RABL6: variants seen among roughly 807,000 people sequenced by gnomAD.
RABL6 encodes RAB, member RAS oncogene family like 6.
RABL6 carries 28 observed loss-of-function variants against 72.9 expected under a neutral mutation model. The observed-to-expected ratio is 0.38, with a 90% CI of 0.28 to 0.53. The LOEUF is 0.53. Among genes scored for constraint, RABL6 ranks in the 20% least tolerant of loss-of-function variants. The pLI, the probability that RABL6 is intolerant of heterozygous loss-of-function variation, is 0.80. For synonymous variants in RABL6, 477 were observed against 421.2 expected, an observed-to-expected ratio of 1.13 and a Z score of -1.62; for missense variants, 1,029 against 1,008.4, an observed-to-expected ratio of 1.02 and a Z score of -0.28.
intron 1 of RABL6, among the ~76,000 whole-genome samples, chr9:136,810,575 T>C (rs904195025): frequency 5.9e-5 from 9 of 152,236 alleles, no homozygotes; most frequent in African/African-American, 2.2e-4. Flanking sequence ...TGCGTTTTGC[T>C]GTGTCTCCCA....
chr9:136,821,007 C>G (rs1848224777), intron 1 of RABL6, among the ~76,000 whole-genome samples: 1 of 152,274 alleles, frequency 6.6e-6, no homozygotes, highest in African/African-American at 2.4e-5. Context: ...AGAAATTATT[C>G]TGTGTGACCC....
Position 136,840,507 on chromosome 9 carries a change from C to A in RABL6, c.2175C>A (p.Asp725Glu). The A allele has an allele frequency of 6.5e-7, 1 of 1,530,160 alleles. No individual in the cohort carries two copies. Among genetic ancestry groups the A allele is most frequent in the African/African-American group, 1.4e-5 (1 of 71,986 alleles). The allele number at this position is 1,530,160 out of a possible 1,614,324, so 94.8% of individuals were successfully genotyped here. Residue 725 changes from aspartate (D) to glutamate (E), a missense_variant, in exon 15 of 15, where the codon GAC becomes GAA. Asp to Glu is a conservative substitution (Grantham distance 45, BLOSUM62 2). Transcript: ENST00000311502. ...APGGRHPGGG[D>E]YEEL ...GCGGCCGCCACCCTGGGGGTGGCGA[C>A]TACGAGGAGCTCTAGGCCGGCGTGG...
At chr9:136,828,170 G>A (rs1190106577) in intron 3 of RABL6, 3 of 270,224 alleles carry the variant, frequency 1.1e-5, no homozygotes, top group Non-Finnish European at 2.1e-5. Flanking sequence ...GGGGGAGGGG[G>A]CCCTTCCTTC....
Position 136,829,396 on chromosome 9 carries a change from G to A in RABL6, c.370G>A (p.Glu124Lys). 6.4e-7 allele frequency: 1 copy of A among 1,569,854 alleles called. No homozygotes were observed. Residue 124 changes from glutamate to lysine, a missense_variant, in exon 5 of 15, where the codon GAG becomes AAG. Coordinates refer to ENST00000311502, the MANE Select transcript of RABL6 (RefSeq NM_024718.5). ...LKMENDPQEA[E>K]SEMALDAEFL... Reference sequence around the variant, plus strand: ...ACCTGTTCCCTCCTGTCCCCAGGCGGAGTCTGAAATGGCCCTGGATGCTGA... The same window carrying A: ...ACCTGTTCCCTCCTGTCCCCAGGCGAAGTCTGAAATGGCCCTGGATGCTGA...
chr9:136,817,574 T>A (rs62581428), intron 1 of RABL6, among the ~76,000 whole-genome samples: 1,987 of 104,210 alleles, frequency 0.019, 1 homozygote, highest in Middle Eastern at 0.023. Flanking sequence ...ACGTGGGCTG[T>A]GGGGAGGCCG....
intron 6 of RABL6, 59 bp downstream of exon 6, chr9:136,831,920 G>A (rs1460636303): frequency 1.9e-6 from 3 of 1,541,516 alleles, no homozygotes; most frequent in Non-Finnish European, 2.6e-6. Flanking sequence ...GTGCGGGGGA[G>A]GGTGCTGAGG....
rs1400327443 is a variant in RABL6 at position 136,813,526 on chromosome 9, C to A, written c.130+5200C>A. On this transcript the variant is annotated intron_variant, in intron 1 of 14. Coordinates refer to ENST00000311502, the MANE Select transcript of RABL6 (RefSeq NM_024718.5). ...CCCTGCGTTTCTTCAGAAGTTTTCT[C>A]TGCATTAGCTTCTGTCTTAACCTCA... 4 of 427,604 alleles carry A rather than the reference C, an allele frequency of 9.4e-6. No individual in the cohort carries two copies. The East Asian group carries it at 1.9e-4, about 21-fold the overall frequency. 26.5% of individuals were successfully genotyped at this position (427,604 alleles called of 1,614,324 possible). A position where few individuals can be genotyped will look rare whatever the true frequency, so the allele number is the denominator to read the frequency against.
At chr9:136,810,568 G>A (rs537972488) in intron 1 of RABL6, among the ~76,000 whole-genome samples, 5 of 152,126 alleles carry the variant, frequency 3.3e-5, no homozygotes, top group East Asian at 3.9e-4. Flanking sequence ...AGAGTTTTGC[G>A]TTTTGCTGTG....
chr9:136,834,071 G>A (rs1848538448), intron 7 of RABL6: 3 of 1,432,880 alleles, frequency 2.1e-6, no homozygotes, highest in Admixed American at 2.8e-5. Flanking sequence ...CTTTTGCTAT[G>A]GATGTGTTCA....
rs1848678251 is a variant in RABL6, at chr9:136,840,629, G to A, written c.*107G>A. The A allele has an allele frequency of 6.5e-7, 1 of 1,549,712 alleles. No individual in the cohort carries two copies. The highest frequency in any genetic ancestry group is 1.2e-5 in the South Asian group (1 of 84,032). The stretch of plus-strand genomic sequence containing the variant: ...TTTGCCGCTGCCCCGTGGCTGCCGT[G>A]TGCGCTTCTGAGCTGGAAGAGGCCG... On this transcript the variant is annotated 3_prime_UTR_variant, in exon 15 of 15. Transcript: ENST00000311502.
chr9:136,811,628 AAAAAAAC>A (rs1830792020), intron 1 of RABL6, among the ~76,000 whole-genome samples: 1 of 150,498 alleles, frequency 6.6e-6, no homozygotes, highest in Admixed American at 6.6e-5. Context: ...AAAAAAAAAA[AAAAAAAC>A]AATTGCACCA....
chr9:136,833,508 C>G, intron 7 of RABL6: 1 of 636,572 alleles, frequency 1.6e-6, no homozygotes, highest in Non-Finnish European at 2.6e-6. Context: ...GGACCTGAAC[C>G]TCCTCGCCCT....
intron 1 of RABL6, among the ~76,000 whole-genome samples, chr9:136,812,314 C>T (rs1848028381): frequency 1.3e-5 from 2 of 152,086 alleles, no homozygotes; most frequent in African/African-American, 4.8e-5. Context: ...AATCCCAGCA[C>T]TTTGGGAGGC....
In RABL6 at chr9:136,819,979, G is replaced by A. The variant is rs577589521; in HGVS notation, c.131-3546G>A. On this transcript the variant is annotated intron_variant, in intron 1 of 14. Transcript: ENST00000311502. The stretch of plus-strand genomic sequence containing the variant: ...GCACTTTAGGAGGCCAAGATGGGCG[G>A]ATTGCCTGAGCTCAGGAGTTTGAGA... 3.9e-5 allele frequency among the ~76,000 whole-genome samples: 6 copies of A among 152,274 alleles called. No homozygotes were observed. In the South Asian group the frequency reaches 6.2e-4, roughly 16 times the overall value.
chr9:136,808,534 G>T (rs1468667932), intron 1 of RABL6: 2 of 361,400 alleles, frequency 5.5e-6, no homozygotes, highest in Non-Finnish European at 9.0e-6. Context: ...CCCCCGAGCC[G>T]CGGGTCGTTT....
At position 136,821,539 on chromosome 9, in the gene RABL6, G is replaced by T. The variant is rs1848237284; in HGVS notation, c.131-1986G>T. ...TGCGCGGCCCGGGCAGTCTCTGCGAGCCCGGGCTGCTGCTCATCTGGGGGG... is the reference window on the plus strand; with the variant it reads ...TGCGCGGCCCGGGCAGTCTCTGCGATCCCGGGCTGCTGCTCATCTGGGGGG... On this transcript the variant is annotated intron_variant, in intron 1 of 14. Coordinates refer to ENST00000311502, the MANE Select transcript of RABL6 (RefSeq NM_024718.5). 5.1e-6 allele frequency: 5 copies of T among 985,388 alleles called. No homozygotes were observed. In the South Asian group the frequency reaches 2.3e-4, roughly 46 times the overall value. The allele number at this position is 985,388 out of a possible 1,614,324, so 61.0% of individuals were successfully genotyped here.
At position 136,807,983 on chromosome 9, in the gene RABL6, C is replaced by T. The variant is rs1055857801; in HGVS notation, c.-214C>T. 2.1e-4 allele frequency: 216 copies of T among 1,007,532 alleles called. No individual in the cohort carries two copies. The highest frequency in any genetic ancestry group is 1.9e-3 in the African/African-American group (111 of 57,436). 62.4% of individuals were successfully genotyped at this position (1,007,532 alleles called of 1,614,324 possible). The stretch of plus-strand genomic sequence containing the variant: ...GCTGACTCCTGGAGAGCGGTCGCGC[C>T]GGAGGCCGCGGGGGCCGGAGCGGAG... On this transcript the variant is annotated 5_prime_UTR_variant, in exon 1 of 15. Transcript: ENST00000311502.
At position 136,838,799 on chromosome 9, in the gene RABL6, C is replaced by T. The variant is rs1848630800; in HGVS notation, c.1281-110C>T. The T allele has an allele frequency of 8.1e-6, 8 of 987,152 alleles. No homozygotes were observed. In the South Asian group the frequency reaches 1.4e-4, roughly 17 times the overall value. The allele number at this position is 987,152 out of a possible 1,614,324, so 61.1% of individuals were successfully genotyped here. ...CAACACAGCACCTGGGGTGGGGTGG[C>T]CCCACGGCCAGGGTGTGCTGGGTAC... is the stretch of plus-strand genomic sequence containing the variant. On this transcript the variant is annotated intron_variant, in intron 10 of 14. Coordinates refer to ENST00000311502, the MANE Select transcript of RABL6 (RefSeq NM_024718.5).
chr9:136,836,960 G>A (rs1035340618), intron 8 of RABL6: 10 of 317,486 alleles, frequency 3.1e-5, no homozygotes, highest in African/African-American at 1.1e-4. Flanking sequence ...CGCAAGCTCC[G>A]CCTCCCGGGT....
Sources: gnomAD v4.1 joint callset for allele counts (sites outside exome capture counted in the v4.1 genomes callset) on GRCh38, gnomAD v4.1.1 for gene constraint, MANE v1.5 for transcripts, NCBI Gene and HGNC (gene_info 2026-07-23, HGNC 2026-07-21) for gene names.